Variants in CCDC137 observed in about 807,000 individuals in gnomAD.
The protein encoded by CCDC137 is coiled-coil domain-containing protein 137.
A neutral mutation model predicts 30.4 loss-of-function variants in CCDC137; 24 were observed. That is an observed-to-expected ratio of 0.79 (90% CI 0.57 to 1.11). The LOEUF is 1.11. Ranked by LOEUF, CCDC137 falls within the 50% of genes least tolerant of loss-of-function variation. CCDC137 has a pLI of 0.00. For missense variants in CCDC137, 417 were observed against 380.4 expected (o/e 1.10, Z -0.80); for synonymous variants, 182 against 155.7 (o/e 1.17, Z -1.26).
rs770130955 is a variant in CCDC137, at chr17:81,672,629, G to C, written c.795G>C (p.Leu265Phe). The C allele has an allele frequency of 1.2e-6, 2 of 1,600,450 alleles. No homozygotes were observed. The highest frequency in any genetic ancestry group is 2.3e-5 in the South Asian group (2 of 88,646). The change falls in exon 6 of 6, where the codon TTG becomes TTC. Residue 265 changes from leucine to phenylalanine, a missense_variant. Transcript: ENST00000329214. ...GGGCCGTGCAGGCCTACAGAGCGTT[G>C]AAGCAGCGGCAGCAGCAGCTGCACG... ...RERAVQAYRA[L>F]KQRQQQLHGE...
In CCDC137 at chr17:81,672,731, G is replaced by C. The variant is rs145262044; in HGVS notation, c.*27G>C. 1 of 1,524,646 alleles carries C rather than the reference G, an allele frequency of 6.6e-7. No individual in the cohort carries two copies. The highest frequency in any genetic ancestry group is 2.0e-5 in the Admixed American group (1 of 49,516). The allele number at this position is 1,524,646 out of a possible 1,614,324, so 94.4% of individuals were successfully genotyped here. On this transcript the variant is annotated 3_prime_UTR_variant, in exon 6 of 6. Transcript: ENST00000329214. The stretch of plus-strand genomic sequence containing the variant: ...GGAGAGACACCCGGGGCCTGGCCAC[G>C]CTCTGGGGCAACTGGCACCAGGAGC...
chr17:81,667,848 A>G lies in CCDC137; in HGVS notation c.254A>G (p.Lys85Arg). 6.2e-7 allele frequency: 1 copy of G among 1,611,716 alleles called. No individual in the cohort carries two copies. Among genetic ancestry groups the G allele is most frequent in the Non-Finnish European group, 8.5e-7 (1 of 1,179,940 alleles). ...QEMKNPISNKKRKKAAQVTFR... is the reference protein window; with the variant it reads ...QEMKNPISNKRRKKAAQVTFR... ...ATGAAAAACCCGATCAGTAACAAGA[A>G]GAGGAAGAAAGCAGGTGTGTGCAGG... Residue 85 changes from lysine to arginine, a missense_variant, in exon 2 of 6, where the codon AAG (lysine) becomes AGG (arginine). By Grantham distance (26) the Lys-to-Arg change is conservative. Coordinates refer to ENST00000329214, the MANE Select transcript of CCDC137 (RefSeq NM_199287.3).
chr17:81,670,079 C>G (rs2036699274), intron 2 of CCDC137, 146 bp from the exon 3 acceptor site: 1 of 651,804 alleles, frequency 1.5e-6, no homozygotes, highest in African/African-American at 1.8e-5. Context: ...GCCGGGCATT[C>G]TACATCCTCT....
chr17:81,669,366 G>T (rs1015849242), intron 2 of CCDC137, among the ~76,000 whole-genome samples: 10 of 149,540 alleles, frequency 6.7e-5, no homozygotes, highest in Admixed American at 1.3e-4. Context: ...GTCTGGTTTC[G>T]AACTCTGGCC....
In CCDC137 at chr17:81,666,879, C is replaced by T. The variant is rs1393899668; in HGVS notation, c.113C>T (p.Ala38Val). The T allele has an allele frequency of 2.3e-6, 3 of 1,288,652 alleles. No individual in the cohort carries two copies. Among genetic ancestry groups the T allele is most frequent in the Non-Finnish European group, 3.0e-6 (3 of 1,016,788 alleles). The allele number at this position is 1,288,652 out of a possible 1,614,324, so 79.8% of individuals were successfully genotyped here. A position where few individuals can be genotyped will look rare whatever the true frequency, so the allele number is the denominator to read the frequency against. ...QVQPLGKQRP[A>V]PWPGLRSKEK... is the part of the protein sequence containing the mutation. ...CAGCCGCTGGGGAAGCAGCGCCCAG[C>T]CCCGTGGCCCGGGCTTCGCAGGTGA... Residue 38 changes from alanine to valine, a missense_variant, in exon 1 of 6, where the codon GCC becomes GTC. Ala to Val is a moderately conservative substitution (Grantham distance 64, BLOSUM62 0). Coordinates refer to ENST00000329214, the MANE Select transcript of CCDC137 (RefSeq NM_199287.3).
At chr17:81,667,653 C>T (rs974170475) in intron 1 of CCDC137, 76 bp from the exon 2 acceptor site, 65 of 1,560,394 alleles carry the variant, frequency 4.2e-5, no homozygotes, top group Non-Finnish European at 4.9e-5. Context: ...ATTGCCAGAC[C>T]CAACTATTGT....
Position 81,669,745 on chromosome 17 carries a change from T to C in CCDC137, c.269-480T>C, listed in dbSNP as rs545343841. The stretch of plus-strand genomic sequence containing the variant: ...CAGTTAATTTTTTCTGTGTTTTTAG[T>C]AGAGACAGGGTTTCACCGTGTTAGC... On this transcript the variant is annotated intron_variant, in intron 2 of 5. Coordinates refer to ENST00000329214, the MANE Select transcript of CCDC137 (RefSeq NM_199287.3). Among the ~76,000 whole-genome samples the C allele has an allele frequency of 7.9e-5, 12 of 152,162 alleles. No individual in the cohort carries two copies. The South Asian group carries it at 2.3e-3, about 29-fold the overall frequency.
At chr17:81,668,194 G>C (rs1267457541) in intron 2 of CCDC137, among the ~76,000 whole-genome samples, 2 of 152,166 alleles carry the variant, frequency 1.3e-5, no homozygotes, top group Non-Finnish European at 2.9e-5. Context: ...TTTACTCTAA[G>C]CAAAAAAAGG....
In CCDC137 at chr17:81,672,160, G is replaced by C. The variant is rs751117971; in HGVS notation, c.660+5G>C. The stretch of plus-strand genomic sequence containing the variant: ...AGGAGCGTAAGCAAGGACCAGGTAA[G>C]TGGGGCACGGGGACAACTTGAGTTT... On this transcript the variant is annotated splice_donor_5th_base_variant and intron_variant, in intron 5 of 5. Coordinates refer to ENST00000329214, the MANE Select transcript of CCDC137 (RefSeq NM_199287.3). The C allele has an allele frequency of 6.2e-7, 1 of 1,613,738 alleles. No homozygotes were observed. Among genetic ancestry groups the C allele is most frequent in the African/African-American group, 1.3e-5 (1 of 74,876 alleles).
chr17:81,671,171 G>C (rs898041700), intron 3 of CCDC137, among the ~76,000 whole-genome samples: 1 of 151,858 alleles, frequency 6.6e-6, no homozygotes, highest in South Asian at 2.1e-4. Context: ...AGGTTTGAGA[G>C]GTTGCTTTCA....
At position 81,671,904 on chromosome 17, in the gene CCDC137, C is replaced by T; in HGVS notation, c.580+78C>T. On this transcript the variant is annotated intron_variant, in intron 4 of 5. Transcript: ENST00000329214. Reference sequence around the variant, plus strand: ...GCAGGCCTTCTGTTCCCCACCAGCCCTGGCTGCACTGGGCACCTGTGGTTT... The same window carrying T: ...GCAGGCCTTCTGTTCCCCACCAGCCTTGGCTGCACTGGGCACCTGTGGTTT... 3 of 1,535,870 alleles carry T rather than the reference C, an allele frequency of 2.0e-6. No homozygotes were observed. The South Asian group carries it at 3.4e-5, about 17-fold the overall frequency.
Position 81,672,827 on chromosome 17 carries a change from C to T in CCDC137, c.*123C>T, listed in dbSNP as rs1024203599. The T allele has an allele frequency of 1.4e-5, 13 of 898,470 alleles. No homozygotes were observed. Among genetic ancestry groups the T allele is most frequent in the Non-Finnish European group, 2.1e-5 (13 of 604,924 alleles). The allele number at this position is 898,470 out of a possible 1,614,324, so 55.7% of individuals were successfully genotyped here. A position where few individuals can be genotyped will look rare whatever the true frequency, so the allele number is the denominator to read the frequency against. On this transcript the variant is annotated 3_prime_UTR_variant, in exon 6 of 6. Transcript: ENST00000329214. ...GGTGAGGCCTCCAGCTACTTGTTCA[C>T]ACGTTGGGCACTAGTGGGTCCACAT...
Position 81,672,746 on chromosome 17 carries a change from G to T in CCDC137, c.*42G>T. On this transcript the variant is annotated 3_prime_UTR_variant, in exon 6 of 6. Coordinates refer to ENST00000329214, the MANE Select transcript of CCDC137 (RefSeq NM_199287.3). The stretch of plus-strand genomic sequence containing the variant: ...GCCTGGCCACGCTCTGGGGCAACTG[G>T]CACCAGGAGCTGCTACACCTGGGTA... The T allele has an allele frequency of 6.7e-7, 1 of 1,495,912 alleles. No individual in the cohort carries two copies. 92.7% of individuals were successfully genotyped at this position (1,495,912 alleles called of 1,614,324 possible).
intron 2 of CCDC137, among the ~76,000 whole-genome samples, chr17:81,668,778 G>A (rs1198319903): frequency 6.6e-6 from 1 of 152,102 alleles, no homozygotes; most frequent in Non-Finnish European, 1.5e-5. Flanking sequence ...TGGGCTCACT[G>A]CAACCTCCAC....
chr17:81,673,794 G>C lies in CCDC137; in HGVS notation c.*1090G>C, dbSNP rs75176873. The stretch of plus-strand genomic sequence containing the variant: ...TGGCAAGTGAGGAGCGCCTCTGCCC[G>C]GCCGCTGTGCAACCTTCCAAGTGTG... On this transcript the variant is annotated 3_prime_UTR_variant, in exon 6 of 6. Coordinates refer to ENST00000329214, the MANE Select transcript of CCDC137 (RefSeq NM_199287.3). 3 of 152,290 alleles carry C rather than the reference G, an allele frequency of 2.0e-5. No homozygotes were observed. Among genetic ancestry groups the C allele is most frequent in the Non-Finnish European group, 4.4e-5 (3 of 68,068 alleles). The allele number at this position is 152,290 out of a possible 1,614,324, so 9.4% of individuals were successfully genotyped here. A position where few individuals can be genotyped will look rare whatever the true frequency, so the allele number is the denominator to read the frequency against.
Position 81,670,251 on chromosome 17 carries a change from G to C in CCDC137, c.295G>C (p.Glu99Gln), listed in dbSNP as rs757205665. 9.9e-6 allele frequency: 16 copies of C among 1,613,882 alleles called. No individual in the cohort carries two copies. The South Asian group carries it at 1.8e-4, about 18-fold the overall frequency. The change falls in exon 3 of 6, where the codon GAG becomes CAG. Residue 99 changes from glutamate (E) to glutamine (Q), a missense_variant. Physicochemically the swap from Glu to Gln is conservative, Grantham distance 29. Coordinates refer to ENST00000329214, the MANE Select transcript of CCDC137 (RefSeq NM_199287.3). ...CCAGGTGACCTTCAGAAAGACATTGGAGAAGGAAGCAAAGGGAGAGGAGCC... is the reference window on the plus strand; with the variant it reads ...CCAGGTGACCTTCAGAAAGACATTGCAGAAGGAAGCAAAGGGAGAGGAGCC... ...AAQVTFRKTL[E>Q]KEAKGEEPDI...
In CCDC137 at chr17:81,672,963, G is replaced by A. The variant is rs1235684999; in HGVS notation, c.*259G>A. Reference sequence around the variant, plus strand: ...TCTCTTTGTTTTGAACGTCCATTCTGAGTCTCAGCCCAGGTGGACCTTAGG... The same window carrying A: ...TCTCTTTGTTTTGAACGTCCATTCTAAGTCTCAGCCCAGGTGGACCTTAGG... On this transcript the variant is annotated 3_prime_UTR_variant, in exon 6 of 6. Coordinates refer to ENST00000329214, the MANE Select transcript of CCDC137 (RefSeq NM_199287.3). The A allele has an allele frequency of 1.5e-5, 8 of 533,806 alleles. No homozygotes were observed. Among genetic ancestry groups the A allele is most frequent in the Non-Finnish European group, 2.7e-5 (8 of 300,220 alleles). 33.1% of individuals were successfully genotyped at this position (533,806 alleles called of 1,614,324 possible).
chr17:81,670,179 C>T (rs1598733489), intron 2 of CCDC137, 46 bp from the exon 3 acceptor site: 2 of 1,467,186 alleles, frequency 1.4e-6, no homozygotes, highest in East Asian at 2.3e-5. Context: ...CACCTGCCTG[C>T]CACTGTCTGC....
rs1319061600 is a variant in CCDC137, at chr17:81,667,774, A to T, written c.180A>T (p.Glu60Asp). The change falls in exon 2 of 6, where the codon GAA becomes GAT. Residue 60 changes from glutamate to aspartate, a missense_variant. By Grantham distance (45) the Glu-to-Asp change is conservative (BLOSUM62 2). Coordinates refer to ENST00000329214, the MANE Select transcript of CCDC137 (RefSeq NM_199287.3). ...KVNCKPKNQD[E>D]QEIPFRLREI... ...ACTGCAAGCCCAAGAACCAGGACGA[A>T]CAGGAGATTCCTTTCCGGCTCCGGG... The T allele has an allele frequency of 6.2e-7, 1 of 1,613,644 alleles. No individual in the cohort carries two copies. Among genetic ancestry groups the T allele is most frequent in the East Asian group, 2.2e-5 (1 of 44,888 alleles).
Sources: allele counts gnomAD v4.1 joint callset (sites outside exome capture counted in the v4.1 genomes callset), GRCh38; gene constraint gnomAD v4.1.1; transcripts MANE v1.5; gene names NCBI Gene and HGNC (gene_info 2026-07-23, HGNC 2026-07-21).